The following TCAIM variants were observed in gnomAD, a reference collection of about 807,000 sequenced individuals.
The protein encoded by TCAIM is T cell activation inhibitor, mitochondrial, also known as T-cell activation inhibitor, mitochondrial.
In TCAIM, 36 loss-of-function variants were observed where a neutral mutation model predicts 58.6. That is an observed-to-expected ratio of 0.61 (90% CI 0.47 to 0.81). The LOEUF (loss-of-function observed/expected upper bound fraction) is 0.81, where lower values mean the gene tolerates loss of function less well. TCAIM is among the 30% of genes least tolerant of loss of function. TCAIM has a pLI of 0.00. For missense variants in TCAIM, 466 were observed against 579.6 expected (o/e 0.80, Z 2.01); for synonymous variants, 172 against 193.6 (o/e 0.89, Z 0.93).
chr3:44,348,992 G>C (rs192116346), intron 1 of TCAIM, among the ~76,000 whole-genome samples: 68 of 152,258 alleles, frequency 4.5e-4, no homozygotes, highest in Admixed American at 2.0e-3. Context: ...AGCTGGACCA[G>C]GGGTGAGGAG....
intron 8 of TCAIM, among the ~76,000 whole-genome samples, chr3:44,397,677 A>T (rs2125654954): frequency 6.6e-6 from 1 of 152,302 alleles, no homozygotes; most frequent in Non-Finnish European, 1.5e-5. Flanking sequence ...ATGGTAGAGC[A>T]TTTTAACTTT....
At chr3:44,391,655 C>T (rs1035015472) in intron 5 of TCAIM, among the ~76,000 whole-genome samples, 1 of 152,146 alleles carries the variant, frequency 6.6e-6, no homozygotes, top group African/African-American at 2.4e-5. Flanking sequence ...GGAGGTGTCA[C>T]TGAGCACCAG....
intron 5 of TCAIM, among the ~76,000 whole-genome samples, chr3:44,373,271 A>G (rs1042849237): frequency 2.0e-5 from 3 of 152,148 alleles, no homozygotes; most frequent in Non-Finnish European, 4.4e-5. Context: ...TTACATTTTA[A>G]TGTATATTTT....
intron 1 of TCAIM, among the ~76,000 whole-genome samples, chr3:44,343,944 GA>G (rs1256035769): frequency 6.6e-6 from 1 of 151,348 alleles, no homozygotes; most frequent in Non-Finnish European, 1.5e-5. Context: ...ATTAGTGGAT[GA>G]ATGTATTTTT....
intron 5 of TCAIM, among the ~76,000 whole-genome samples, chr3:44,371,484 G>A (rs1701468551): frequency 6.6e-6 from 1 of 152,196 alleles, no homozygotes; most frequent in South Asian, 2.1e-4. Flanking sequence ...GGGTAGGAGA[G>A]AGAGGACAGC....
intron 2 of TCAIM, among the ~76,000 whole-genome samples, chr3:44,357,281 T>A (rs886952200): frequency 1.2e-4 from 18 of 146,030 alleles, no homozygotes; most frequent in Non-Finnish European, 2.6e-4. Context: ...GGTGGGAGGA[T>A]CACTTGACCC....
At position 44,357,877 on chromosome 3, in the gene TCAIM, G is replaced by A. The variant is rs748031472; in HGVS notation, c.165+1G>A. 4 of 1,612,182 alleles carry A rather than the reference G, an allele frequency of 2.5e-6. No homozygotes were observed. Among genetic ancestry groups the A allele is most frequent in the Non-Finnish European group, 2.5e-6 (3 of 1,179,604 alleles). Reference sequence around the variant, plus strand: ...CTTTGGACAGCACCCCGTAGAAAGGGTAAACATTTATTTATTTTTAAACCA... The same window carrying A: ...CTTTGGACAGCACCCCGTAGAAAGGATAAACATTTATTTATTTTTAAACCA... On this transcript the variant is annotated splice_donor_variant, in intron 3 of 10. Transcript: ENST00000342649. LOFTEE classifies it high-confidence loss of function.
chr3:44,356,789 G>T (rs1388790478), intron 2 of TCAIM, among the ~76,000 whole-genome samples: 1 of 145,188 alleles, frequency 6.9e-6, no homozygotes, highest in Non-Finnish European at 1.5e-5. Context: ...AACATGGTGA[G>T]ACCCTGTCTC....
rs779876347 is a variant in TCAIM at position 44,354,678 on chromosome 3, G to T, written c.-44-61G>T. 7.1e-6 allele frequency: 8 copies of T among 1,124,090 alleles called. No homozygotes were observed. In the South Asian group the frequency reaches 9.6e-5, roughly 13 times the overall value. 69.6% of individuals were successfully genotyped at this position (1,124,090 alleles called of 1,614,324 possible). On this transcript the variant is annotated intron_variant, in intron 1 of 10. Coordinates refer to ENST00000342649, the MANE Select transcript of TCAIM (RefSeq NM_173826.4). ...ATATTTTGGGGTGATAATATAAATC[G>T]CAATGTGTTTTACATTTAAAATTCT...
chr3:44,350,005 C>T (rs192782113), intron 1 of TCAIM, among the ~76,000 whole-genome samples: 7 of 145,056 alleles, frequency 4.8e-5, no homozygotes, highest in Middle Eastern at 3.5e-3. Context: ...GGAGATCCCC[C>T]GATCCGAGTC....
chr3:44,390,047 T>C (rs149168349), intron 5 of TCAIM, among the ~76,000 whole-genome samples: 6 of 152,328 alleles, frequency 3.9e-5, no homozygotes, highest in African/African-American at 1.4e-4. Context: ...GAATTACTTC[T>C]TCTTTTCTCA....
At chr3:44,364,163 G>A (rs1170950938) in intron 4 of TCAIM, among the ~76,000 whole-genome samples, 3 of 150,848 alleles carry the variant, frequency 2.0e-5, no homozygotes, top group Non-Finnish European at 3.0e-5. Flanking sequence ...TCTTAACCCC[G>A]TGATCCGCCC....
At chr3:44,357,220 T>G (rs1328156181) in intron 2 of TCAIM, among the ~76,000 whole-genome samples, 1 of 150,878 alleles carries the variant, frequency 6.6e-6, no homozygotes, top group Non-Finnish European at 1.5e-5. Flanking sequence ...GCAAAAGAAT[T>G]AGTTGGGTGT....
intron 5 of TCAIM, among the ~76,000 whole-genome samples, chr3:44,368,976 T>G (rs887473543): frequency 2.0e-5 from 3 of 152,150 alleles, no homozygotes; most frequent in Non-Finnish European, 4.4e-5. Context: ...TGAACTATGA[T>G]TGTGCCACTG....
rs1009246062 is a variant in TCAIM, at chr3:44,389,611, A to G, written c.573-3244A>G. On this transcript the variant is annotated intron_variant, in intron 5 of 10. Transcript: ENST00000342649. ...AAAAGTTGGAAAATTGTAATGCCAT[A>G]TCCAATAGTAGTGATGTAAATTAAG... Among the ~76,000 whole-genome samples, 3 of 152,184 alleles carry G rather than the reference A, an allele frequency of 2.0e-5. No homozygotes were observed. In the East Asian group the frequency reaches 5.8e-4, roughly 29 times the overall value.
At chr3:44,350,215 G>A (rs943569282) in intron 1 of TCAIM, among the ~76,000 whole-genome samples, 1 of 152,144 alleles carries the variant, frequency 6.6e-6, no homozygotes, top group Non-Finnish European at 1.5e-5. Context: ...TTCTCTTGAG[G>A]GCAGGGGCGA....
chr3:44,388,728 T>C (rs1484725312), intron 5 of TCAIM, among the ~76,000 whole-genome samples: 3 of 152,238 alleles, frequency 2.0e-5, no homozygotes, highest in Non-Finnish European at 2.9e-5. Context: ...GTTGATTTCC[T>C]CATTTCATCA....
At chr3:44,350,398 C>G (rs181626703) in intron 1 of TCAIM, among the ~76,000 whole-genome samples, 10 of 152,122 alleles carry the variant, frequency 6.6e-5, no homozygotes, top group Admixed American at 5.9e-4. Context: ...CTGACAATTA[C>G]CTCCCGAAGG....
chr3:44,367,791 T>C, intron 5 of TCAIM, 83 bp downstream of exon 5: 1 of 1,346,788 alleles, frequency 7.4e-7, no homozygotes. Flanking sequence ...AAAAACATTT[T>C]TTTATAAATA....
Sources: allele counts gnomAD v4.1 joint callset (sites outside exome capture counted in the v4.1 genomes callset), GRCh38; gene constraint gnomAD v4.1.1; transcripts MANE v1.5; gene names NCBI Gene and HGNC (gene_info 2026-07-23, HGNC 2026-07-21).